CCDC30: variants seen among roughly 807,000 people sequenced by gnomAD.
CCDC30 encodes coiled-coil domain containing 30, also known as coiled-coil domain-containing protein 30.
Under a neutral mutation model 100.2 loss-of-function variants are expected in CCDC30, and 70 were observed. The ratio of observed to expected loss-of-function variants is 0.70; its 90% CI spans 0.58 to 0.85. The LOEUF is 0.85. CCDC30 is among the 40% of genes least tolerant of loss of function. The pLI is 0.00. For missense variants in CCDC30, 652 were observed against 771.2 expected (o/e 0.85, Z 1.83); for synonymous variants, 233 against 269.5 (o/e 0.86, Z 1.33).
intron 10 of CCDC30, among the ~76,000 whole-genome samples, chr1:42,600,135 A>G (rs972251190): frequency 3.9e-5 from 6 of 152,190 alleles, no homozygotes; most frequent in Non-Finnish European, 7.3e-5. Context: ...CGGGATCACA[A>G]TTCAACATGA....
chr1:42,596,404 G>GA lies in CCDC30; in HGVS notation c.1164+6924dup, dbSNP rs1350007816. Among the ~76,000 whole-genome samples, 4 of 152,132 alleles carry GA rather than the reference G, an allele frequency of 2.6e-5. No individual in the cohort carries two copies. The highest frequency in any genetic ancestry group is 9.7e-5 in the African/African-American group (4 of 41,420). Reference sequence around the variant, plus strand: ...TTCCTAACAGGGTCTGCCGGCAGGAGAAACTATTTAACCAGAGCCTAAGCT... The same window carrying GA: ...TTCCTAACAGGGTCTGCCGGCAGGAGAAAACTATTTAACCAGAGCCTAAGCT... On this transcript the variant is annotated intron_variant, in intron 10 of 16. Transcript: ENST00000668663. This position sits in a 1 kb window ranked among gnomAD's most constrained non-coding sequence, Gnocchi z 4.3.
upstream of CCDC30, chr1:42,460,157 TATTGGGAATTA>T (rs1222675034): frequency 5.6e-6 from 7 of 1,245,966 alleles, no homozygotes; most frequent in African/African-American, 1.1e-4. Flanking sequence ...AAGAAGAGCT[TATTGGGAATTA>T]TATATTCCTT....
chr1:42,576,628 T>C (rs184655505), intron 7 of CCDC30, among the ~76,000 whole-genome samples: 1 of 152,314 alleles, frequency 6.6e-6, no homozygotes, highest in East Asian at 1.9e-4. Context: ...AGCAGAGAGC[T>C]AAGTGAAAAC....
At chr1:42,635,922 T>C (rs1230493891) in intron 11 of CCDC30, among the ~76,000 whole-genome samples, 4 of 152,242 alleles carry the variant, frequency 2.6e-5, no homozygotes, top group South Asian at 2.1e-4. Flanking sequence ...AGGGTTCCAA[T>C]TTCTTTGCAT....
At chr1:42,503,949 G>A (rs1644359181) in intron 6 of CCDC30, among the ~76,000 whole-genome samples, 1 of 152,158 alleles carries the variant, frequency 6.6e-6, no homozygotes, top group South Asian at 2.1e-4. Context: ...GTGTGAAGTG[G>A]GAAAGCAGGG....
chr1:42,605,634 A>G (rs897845838), intron 10 of CCDC30, among the ~76,000 whole-genome samples: 2 of 152,048 alleles, frequency 1.3e-5, no homozygotes, highest in African/African-American at 4.8e-5. Flanking sequence ...ATATGCAACC[A>G]TGCCTGGCTA....
intron 11 of CCDC30, among the ~76,000 whole-genome samples, chr1:42,616,069 C>G (rs183743279): frequency 2.0e-5 from 3 of 152,250 alleles, no homozygotes; most frequent in African/African-American, 7.2e-5. Context: ...GTGCATGCCA[C>G]CACACCCAGC....
Position 42,627,759 on chromosome 1 carries a change from G to A in CCDC30, c.1278-9478G>A, listed in dbSNP as rs190518215. Among the ~76,000 whole-genome samples the A allele has an allele frequency of 2.0e-4, 31 of 152,348 alleles. 1 individual carries two copies. The East Asian group carries it at 5.0e-3, about 25-fold the overall frequency. ...TCCATGTGGTGTTGAGTTTGTGGGT[G>A]CACAGAAGTCAAGAATTCAGGTTTA... On this transcript the variant is annotated intron_variant, in intron 11 of 16. Coordinates refer to ENST00000668663, the Ensembl canonical transcript of CCDC30.
chr1:42,546,690 A>C (rs937771112), intron 6 of CCDC30, among the ~76,000 whole-genome samples: 1 of 151,708 alleles, frequency 6.6e-6, no homozygotes, highest in Non-Finnish European at 1.5e-5. Flanking sequence ...TAATTTTTTG[A>C]CCACTTTTCT....
downstream of CCDC30, among the ~76,000 whole-genome samples, chr1:42,656,633 AAAT>A (rs1367786078): frequency 3.3e-5 from 5 of 152,174 alleles, no homozygotes; most frequent in African/African-American, 9.7e-5. Context: ...CTGTCTCAAA[AAAT>A]AATAATAATA....
chr1:42,577,508 A>G (rs1645865093), intron 8 of CCDC30, among the ~76,000 whole-genome samples: 1 of 152,088 alleles, frequency 6.6e-6, no homozygotes, highest in African/African-American at 2.4e-5. Context: ...TTTGTTTTAT[A>G]TTTTCACATT....
chr1:42,613,830 T>C (rs1274698638), intron 11 of CCDC30, among the ~76,000 whole-genome samples: 1 of 152,154 alleles, frequency 6.6e-6, no homozygotes, highest in Non-Finnish European at 1.5e-5. Context: ...CTTTGTGACC[T>C]GTATCTTGTG....
intron 5 of CCDC30, 49 bp downstream of exon 5, chr1:42,497,262 C>A: frequency 1.9e-6 from 2 of 1,050,616 alleles, no homozygotes; most frequent in African/African-American, 1.6e-5. Flanking sequence ...TCTACCATAA[C>A]AATCAACAGC....
intron 10 of CCDC30, chr1:42,590,814 T>G (rs544962459): frequency 2.6e-5 from 4 of 152,224 alleles, no homozygotes; most frequent in African/African-American, 9.6e-5. Flanking sequence ...GATAGAAATA[T>G]GGACAGTGAA....
intron 2 of CCDC30, among the ~76,000 whole-genome samples, chr1:42,482,039 A>C (rs954357270): frequency 6.6e-6 from 1 of 152,092 alleles, no homozygotes; most frequent in African/African-American, 2.4e-5. Flanking sequence ...CAACATGGTG[A>C]CATCCCATCT....
At chr1:42,456,883 GCCTTCGGGCCCAGCC>G in the CCDC30 span, 82 of 1,612,910 alleles carry the variant, frequency 5.1e-5, no homozygotes, top group Non-Finnish European at 6.2e-5. Flanking sequence ...CCGCTCTGCG[GCCTTCGGGCCCAGCC>G]CTTTCGGGCT....
intron 7 of CCDC30, among the ~76,000 whole-genome samples, chr1:42,574,423 T>C (rs1179029388): frequency 6.6e-6 from 1 of 152,076 alleles, no homozygotes; most frequent in Admixed American, 6.5e-5. Context: ...AAAATGTATA[T>C]ATTTTAACAA....
At chr1:42,524,922 T>C (rs944761823) in intron 6 of CCDC30, among the ~76,000 whole-genome samples, 1 of 152,236 alleles carries the variant, frequency 6.6e-6, no homozygotes, top group Non-Finnish European at 1.5e-5. Context: ...GCCTTCATTT[T>C]TGAAGAATGT....
At chr1:42,469,489 G>C (rs72952255) in intron 1 of CCDC30, among the ~76,000 whole-genome samples, 2,199 of 152,308 alleles carry the variant, frequency 0.014, 54 homozygotes, top group African/African-American at 0.051. Flanking sequence ...ACAGTAGCTA[G>C]AGAGGTATAT....
Sources: allele counts gnomAD v4.1 joint callset (sites outside exome capture counted in the v4.1 genomes callset), GRCh38; gene constraint gnomAD v4.1.1; non-coding constraint Gnocchi (gnomAD v3.1); transcripts MANE v1.5; gene names NCBI Gene and HGNC (gene_info 2026-07-23, HGNC 2026-07-21).